CCDC77: variants seen among roughly 807,000 people sequenced by gnomAD.
CCDC77 encodes the protein coiled-coil domain containing 77.
CCDC77 carries 56 observed loss-of-function variants against 66.8 expected under a neutral mutation model. That is an observed-to-expected ratio of 0.84 (90% CI 0.68 to 1.05). CCDC77 has a LOEUF of 1.05. CCDC77 is among the 50% of genes least tolerant of loss of function. CCDC77 has a pLI of 0.00. For synonymous variants in CCDC77, 196 were observed against 195.2 expected (o/e 1.00, Z -0.03); for missense variants, 570 against 576.8 (o/e 0.99, Z 0.12).
intron 12 of CCDC77, 65 bp downstream of exon 12, chr12:441,061 A>G: frequency 1.3e-6 from 2 of 1,534,628 alleles, no homozygotes; most frequent in South Asian, 2.3e-5. Context: ...CATGGTCACG[A>G]GGGCCCCTGA....
intron 5 of CCDC77, among the ~76,000 whole-genome samples, chr12:423,499 T>TTTTG (rs1945470821): frequency 1.2e-5 from 1 of 81,506 alleles, no homozygotes; most frequent in Non-Finnish European, 2.4e-5. Context: ...GTTTTGTTTT[T>TTTTG]TTTTTTTTTT....
chr12:436,136 G>A (rs1421530262), intron 9 of CCDC77, among the ~76,000 whole-genome samples: 1 of 26,634 alleles, frequency 3.8e-5, no homozygotes, highest in Non-Finnish European at 7.5e-5. Flanking sequence ...TTTTTTTTTT[G>A]AGACAGAGTC....
At chr12:438,288 G>A (rs189214270) in intron 9 of CCDC77, 47 bp from the exon 10 acceptor site, 3 of 1,252,634 alleles carry the variant, frequency 2.4e-6, no homozygotes, top group East Asian at 2.3e-5. Flanking sequence ...GCTTTCAGGT[G>A]TGCTGTGTGC....
At position 438,453 on chromosome 12, in the gene CCDC77, A is replaced by G. The variant is rs2137621059; in HGVS notation, c.940A>G (p.Ile314Val). The part of the protein sequence containing the change: ...MLEKDNLMSK[I>V]KQYRVQCKKK... ...TGAAAAAGATAATTTGATGTCAAAGATTAAGCAATATAGGGTGCAGTGTAA... is the reference window on the plus strand; with the variant it reads ...TGAAAAAGATAATTTGATGTCAAAGGTTAAGCAATATAGGGTGCAGTGTAA... Residue 314 changes from isoleucine (I) to valine (V), a missense_variant, in exon 10 of 13, where the codon ATT becomes GTT. Coordinates refer to ENST00000239830, the MANE Select transcript of CCDC77 (RefSeq NM_032358.4). The G allele has an allele frequency of 6.2e-7, 1 of 1,614,068 alleles. No individual in the cohort carries two copies. Among genetic ancestry groups the G allele is most frequent in the African/African-American group, 1.3e-5 (1 of 75,066 alleles).
At chr12:400,935 C>T (rs1944886087), upstream of CCDC77, among the ~76,000 whole-genome samples, 1 of 152,180 alleles carries the variant, frequency 6.6e-6, no homozygotes, top group South Asian at 2.1e-4. Flanking sequence ...GTAGCAGATG[C>T]ACGTTCCATT....
At position 440,855 on chromosome 12, in the gene CCDC77, C is replaced by T. The variant is rs1591997551; in HGVS notation, c.1179C>T (p.Asn393=). The T allele has an allele frequency of 1.2e-6, 2 of 1,613,470 alleles. No homozygotes were observed. The highest frequency in any genetic ancestry group is 1.7e-6 in the Non-Finnish European group (2 of 1,180,018). ...MRREIFKDRT[N]KMGKRLQIMT... is the part of the protein sequence containing the mutation. ...TTCCCCATATTTAGGATCGCACTAACAAGATGGGGAAGCGTTTACAGATAA... is the reference window on the plus strand; with the variant it reads ...TTCCCCATATTTAGGATCGCACTAATAAGATGGGGAAGCGTTTACAGATAA... The change falls in exon 12 of 13, where the codon AAC becomes AAT. Residue 393 remains asparagine, a synonymous_variant. Coordinates refer to ENST00000239830, the MANE Select transcript of CCDC77 (RefSeq NM_032358.4).
chr12:412,088 T>A, intron 4 of CCDC77, 110 bp downstream of exon 4: 1 of 808,532 alleles, frequency 1.2e-6, no homozygotes, highest in Non-Finnish European at 2.0e-6. Flanking sequence ...AAAATACTCC[T>A]TTTTTATTCC....
At chr12:422,981 T>C (rs1945433409) in intron 5 of CCDC77, among the ~76,000 whole-genome samples, 1 of 152,090 alleles carries the variant, frequency 6.6e-6, no homozygotes, top group Non-Finnish European at 1.5e-5. Flanking sequence ...CTGTTTTTAT[T>C]TTTTTGAGTA....
At chr12:428,723 C>A in intron 5 of CCDC77, 46 bp from the exon 6 acceptor site, 3 of 1,318,962 alleles carry the variant, frequency 2.3e-6, no homozygotes, top group Non-Finnish European at 3.2e-6. Context: ...AGGTTACTTA[C>A]TTGGGACATT....
chr12:395,649 T>C (rs923383514), intron 1 of CCDC77, among the ~76,000 whole-genome samples: 1 of 152,126 alleles, frequency 6.6e-6, no homozygotes, highest in Non-Finnish European at 1.5e-5. Flanking sequence ...ATCCCAGAAC[T>C]CTGGGAGGCC....
chr12:405,870 G>T (rs562314866), intron 2 of CCDC77, among the ~76,000 whole-genome samples: 1 of 151,700 alleles, frequency 6.6e-6, no homozygotes, highest in Admixed American at 6.6e-5. Context: ...GCATATTCCA[G>T]TGTGGAGAGA....
chr12:392,514 C>T (rs551302908), intron 1 of CCDC77, among the ~76,000 whole-genome samples: 6 of 152,176 alleles, frequency 3.9e-5, no homozygotes, highest in Admixed American at 2.0e-4. Flanking sequence ...GAGGCCGAGG[C>T]GGGCAGATCA....
At chr12:405,982 G>A (rs943856775) in intron 2 of CCDC77, among the ~76,000 whole-genome samples, 12 of 148,828 alleles carry the variant, frequency 8.1e-5, no homozygotes, top group Non-Finnish European at 1.2e-4. Flanking sequence ...GCAATGGCGT[G>A]ATCATGGCTC....
At chr12:394,201 T>A (rs1011829859) in intron 1 of CCDC77, among the ~76,000 whole-genome samples, 11 of 152,230 alleles carry the variant, frequency 7.2e-5, no homozygotes, top group African/African-American at 2.7e-4. Flanking sequence ...TTAGTCCTTC[T>A]GGTGTTCTGT....
At position 441,838 on chromosome 12, in the gene CCDC77, G is replaced by T. The variant is rs970156203; in HGVS notation, c.1385G>T (p.Arg462Ile). The change falls in exon 13 of 13, where the codon AGA (arginine) becomes ATA (isoleucine). Residue 462 changes from arginine (R) to isoleucine (I), a missense_variant. Coordinates refer to ENST00000239830, the MANE Select transcript of CCDC77 (RefSeq NM_032358.4). ...ALLCEVRDSN[R>I]RAHKIQGELK... is the part of the protein sequence containing the mutation. ...CTGTGTGAGGTCCGTGACAGCAATA[G>T]ACGGGCACATAAGATACAAGGAGAA... is the stretch of plus-strand genomic sequence containing the variant. 1.2e-6 allele frequency: 2 copies of T among 1,612,492 alleles called. No individual in the cohort carries two copies. Among genetic ancestry groups the T allele is most frequent in the African/African-American group, 1.3e-5 (1 of 74,324 alleles).
chr12:415,210 C>T (rs1945201876), intron 4 of CCDC77, among the ~76,000 whole-genome samples: 1 of 150,840 alleles, frequency 6.6e-6, no homozygotes, highest in South Asian at 2.1e-4. Context: ...TTTTGAGTTC[C>T]ACTGTGGACT....
chr12:434,928 C>G (rs1216191606), intron 9 of CCDC77, among the ~76,000 whole-genome samples: 3 of 152,216 alleles, frequency 2.0e-5, no homozygotes, highest in African/African-American at 7.2e-5. Flanking sequence ...TTGTTTCTCC[C>G]AACAAATGCT....
chr12:416,357 G>GTATATATATATATATATA (rs1309603806), intron 4 of CCDC77, among the ~76,000 whole-genome samples: 3 of 39,824 alleles, frequency 7.5e-5, no homozygotes, highest in African/African-American at 1.1e-4. Context: ...GTGTGTGTGT[G>GTATATATATATATATATA]TGTGTGTGTG....
chr12:404,194 T>A lies in CCDC77; in HGVS notation c.-70-1317T>A, dbSNP rs954399464. 3.3e-5 allele frequency among the ~76,000 whole-genome samples: 5 copies of A among 152,160 alleles called. 1 individual carries two copies. The highest frequency in any genetic ancestry group is 2.0e-4 in the Admixed American group (3 of 15,280). ...AATTAGCCACAGTGGCAGGTGCCTG[T>A]AATCCCAGCCACTGGGGAGGCTGAG... is the stretch of plus-strand genomic sequence containing the variant. On this transcript the variant is annotated intron_variant, in intron 1 of 12. Transcript: ENST00000239830.
Sources: gnomAD v4.1 joint callset for allele counts (sites outside exome capture counted in the v4.1 genomes callset) on GRCh38, gnomAD v4.1.1 for gene constraint, MANE v1.5 for transcripts, NCBI Gene and HGNC (gene_info 2026-07-23, HGNC 2026-07-21) for gene names.